The following PRKCA variants were observed in gnomAD, a reference collection of about 807,000 sequenced individuals.
The protein encoded by PRKCA is protein kinase C alpha, also known as protein kinase C alpha type.
PRKCA carries 27 observed loss-of-function variants against 87.0 expected under a neutral mutation model. The ratio of observed to expected loss-of-function variants is 0.31; its 90% CI spans 0.23 to 0.43. The LOEUF is 0.43. Among genes scored for constraint, PRKCA ranks in the 20% least tolerant of loss-of-function variants. PRKCA has a pLI of 1.00. For missense variants in PRKCA, 518 were observed against 852.3 expected (o/e 0.61, Z 4.88); for synonymous variants, 329 against 311.1 (o/e 1.06, Z -0.61).
intron 2 of PRKCA, among the ~76,000 whole-genome samples, chr17:66,367,567 C>T (rs1225624224): frequency 2.0e-5 from 3 of 152,330 alleles, no homozygotes; most frequent in East Asian, 3.9e-4. Context: ...GTCTGTTACA[C>T]TGTTGCATTC....
chr17:66,765,416 G>GTGTATA (rs1276368624), intron 13 of PRKCA, among the ~76,000 whole-genome samples: 32 of 16,030 alleles, frequency 2.0e-3, no homozygotes, highest in African/African-American at 6.6e-3. Context: ...GCAAGACTTT[G>GTGTATA]TCTATATATA....
At chr17:66,375,988 A>T (rs907927410) in intron 2 of PRKCA, among the ~76,000 whole-genome samples, 1 of 152,192 alleles carries the variant, frequency 6.6e-6, no homozygotes, top group Non-Finnish European at 1.5e-5. Context: ...CATGATTTAC[A>T]ATCTCAGCAA....
chr17:66,346,849 G>A (rs1033829891), intron 2 of PRKCA, among the ~76,000 whole-genome samples: 1 of 151,960 alleles, frequency 6.6e-6, no homozygotes, highest in Admixed American at 6.6e-5. Context: ...GGCCAACATG[G>A]TTAAACCCCA....
At chr17:66,728,035 C>T (rs924069924) in intron 8 of PRKCA, among the ~76,000 whole-genome samples, 12 of 152,184 alleles carry the variant, frequency 7.9e-5, no homozygotes, top group Admixed American at 3.9e-4. Context: ...CTGAGGTTGC[C>T]GTACCGTGGA....
At chr17:66,476,026 T>C (rs1915521876) in intron 2 of PRKCA, among the ~76,000 whole-genome samples, 1 of 152,106 alleles carries the variant, frequency 6.6e-6, no homozygotes, top group South Asian at 2.1e-4. Context: ...GCCTCCCAAG[T>C]AGTTGGGATT....
At chr17:66,669,509 G>A (rs1241585314) in intron 5 of PRKCA, among the ~76,000 whole-genome samples, 1 of 152,136 alleles carries the variant, frequency 6.6e-6, no homozygotes, top group African/African-American at 2.4e-5. Context: ...TGAAAAAGAA[G>A]CACTAATTCA....
chr17:66,477,336 CT>C (rs1915576287), intron 2 of PRKCA, among the ~76,000 whole-genome samples: 1 of 152,218 alleles, frequency 6.6e-6, no homozygotes, highest in Non-Finnish European at 1.5e-5. Flanking sequence ...AGGGGCGTTG[CT>C]TAACAAGCCT....
chr17:66,595,263 G>A (rs1489448701), intron 3 of PRKCA, among the ~76,000 whole-genome samples: 2 of 151,764 alleles, frequency 1.3e-5, no homozygotes, highest in East Asian at 3.9e-4. Flanking sequence ...AAACTCCTGG[G>A]CTCAAGCAAG....
intron 8 of PRKCA, among the ~76,000 whole-genome samples, chr17:66,702,064 T>G (rs544761465): frequency 3.9e-5 from 6 of 152,266 alleles, no homozygotes; most frequent in African/African-American, 1.4e-4. Flanking sequence ...GGAAACAGTG[T>G]GTTCATTAAT....
chr17:66,435,729 A>G (rs540411469), intron 2 of PRKCA, among the ~76,000 whole-genome samples: 2 of 152,338 alleles, frequency 1.3e-5, no homozygotes, highest in African/African-American at 4.8e-5. Flanking sequence ...GGCGGTTCTG[A>G]TGAGCAAGCA....
At chr17:66,355,185 A>G (rs751048598) in intron 2 of PRKCA, among the ~76,000 whole-genome samples, 1 of 152,022 alleles carries the variant, frequency 6.6e-6, no homozygotes, top group Non-Finnish European at 1.5e-5. Flanking sequence ...TTTTCAGTTT[A>G]TATATGCAGA....
intron 13 of PRKCA, among the ~76,000 whole-genome samples, chr17:66,768,264 G>GGA (rs1568022813): frequency 7.8e-6 from 1 of 127,880 alleles, no homozygotes; most frequent in East Asian, 3.0e-4. Flanking sequence ...TTTTTTTTGG[G>GGA]GGGGAGAGAT....
chr17:66,796,881 C>T lies in PRKCA; in HGVS notation c.1855-6992C>T. On this transcript the variant is annotated intron_variant, in intron 16 of 16. Coordinates refer to ENST00000413366, the MANE Select transcript of PRKCA (RefSeq NM_002737.3). ...CGATGAAGTACCTCCTGCATTTGGT[C>T]ATCGTAAGGGGTAGCTCCCACCTCG... 5 of 985,398 alleles carry T rather than the reference C, an allele frequency of 5.1e-6. No individual in the cohort carries two copies. In the South Asian group the frequency reaches 1.4e-4, roughly 28 times the overall value. 61.0% of individuals were successfully genotyped at this position (985,398 alleles called of 1,614,324 possible).
intron 3 of PRKCA, among the ~76,000 whole-genome samples, chr17:66,619,870 CT>C (rs1970625051): frequency 6.6e-6 from 1 of 150,394 alleles, no homozygotes; most frequent in Non-Finnish European, 1.5e-5. Context: ...TTTTACCTTT[CT>C]TTGCTTTCTT....
chr17:66,427,057 A>T (rs757087312), intron 2 of PRKCA, among the ~76,000 whole-genome samples: 16 of 152,048 alleles, frequency 1.1e-4, no homozygotes, highest in Non-Finnish European at 2.1e-4. Flanking sequence ...TTTTTAAGAG[A>T]CGAGGTCTTG....
intron 3 of PRKCA, among the ~76,000 whole-genome samples, chr17:66,592,853 C>T (rs539789872): frequency 3.3e-5 from 5 of 152,300 alleles, no homozygotes; most frequent in Admixed American, 1.3e-4. Context: ...AGTGCAGTGG[C>T]GCAATCTCGG....
At chr17:66,312,682 T>C (rs191488562) in intron 2 of PRKCA, among the ~76,000 whole-genome samples, 1 of 151,844 alleles carries the variant, frequency 6.6e-6, no homozygotes, top group African/African-American at 2.4e-5. Flanking sequence ...AAGGTTTAGC[T>C]CTGGTCTTTC....
intron 14 of PRKCA, among the ~76,000 whole-genome samples, chr17:66,781,682 A>G (rs2144359776): frequency 6.6e-6 from 1 of 152,178 alleles, no homozygotes; most frequent in South Asian, 2.1e-4. Context: ...GGTGGCTGTC[A>G]GGGGCTGAGA....
At chr17:66,784,515 G>C (rs538051395) in intron 14 of PRKCA, among the ~76,000 whole-genome samples, 1 of 152,026 alleles carries the variant, frequency 6.6e-6, no homozygotes, top group Non-Finnish European at 1.5e-5. Flanking sequence ...CCAAAGTGCT[G>C]GGATTACAGG....
Sources: gnomAD v4.1 joint callset for allele counts (sites outside exome capture counted in the v4.1 genomes callset) on GRCh38, gnomAD v4.1.1 for gene constraint, MANE v1.5 for transcripts, NCBI Gene and HGNC (gene_info 2026-07-23, HGNC 2026-07-21) for gene names.